RARB: variants seen among roughly 807,000 people sequenced by gnomAD.
RARB encodes the protein HBV-activated protein.
RARB carries 17 observed loss-of-function variants against 51.9 expected under a neutral mutation model. The observed-to-expected ratio is 0.33, with a 90% confidence interval of 0.22 to 0.49. RARB has a LOEUF of 0.49. Ranked by LOEUF, RARB falls within the 20% of genes least tolerant of loss-of-function variation. RARB has a pLI of 0.99. For synonymous variants in RARB, 215 were observed against 195.4 expected (o/e 1.10, Z -0.84); for missense variants, 369 against 550.8 (o/e 0.67, Z 3.30).
chr3:25,162,821 A>G (rs779960267), intron 4 of RARB, among the ~76,000 whole-genome samples: 14 of 152,206 alleles, frequency 9.2e-5, no homozygotes, highest in Non-Finnish European at 1.3e-4. Flanking sequence ...TTATTCATCA[A>G]TTAATGGACA....
At chr3:25,021,452 G>A (rs181234834) in intron 2 of RARB, among the ~76,000 whole-genome samples, 47 of 152,046 alleles carry the variant, frequency 3.1e-4, no homozygotes, top group Admixed American at 5.2e-4. Context: ...CTTAAAAGCC[G>A]TAAACTCACC....
chr3:24,863,405 C>G (rs1702791146), intron 2 of RARB, among the ~76,000 whole-genome samples: 1 of 152,152 alleles, frequency 6.6e-6, no homozygotes, highest in Admixed American at 6.5e-5. Flanking sequence ...CTTGGAGTCT[C>G]TATCTCGGGA....
chr3:24,958,774 T>C (rs1574375), intron 2 of RARB, among the ~76,000 whole-genome samples: 73,033 of 152,050 alleles, frequency 0.48, 18,387 homozygotes, highest in East Asian at 0.61. Context: ...GCCATGAAAA[T>C]AATATGACAA....
At chr3:24,922,693 T>C (rs1005893845) in intron 2 of RARB, among the ~76,000 whole-genome samples, 5 of 151,864 alleles carry the variant, frequency 3.3e-5, no homozygotes, top group Non-Finnish European at 7.4e-5. Context: ...CAGAGGTTGA[T>C]CAAGGGAAAG....
intron 2 of RARB, among the ~76,000 whole-genome samples, chr3:24,876,871 G>A (rs1042936804): frequency 1.3e-5 from 2 of 152,104 alleles, no homozygotes; most frequent in Non-Finnish European, 2.9e-5. Flanking sequence ...TGGATGCAAT[G>A]TCCTTCCCAG....
chr3:25,193,257 G>A (rs1242768539), intron 5 of RARB, among the ~76,000 whole-genome samples: 2 of 151,974 alleles, frequency 1.3e-5, no homozygotes, highest in Admixed American at 6.6e-5. Context: ...TTCAAAGGAA[G>A]AATGAAGAAA....
At chr3:25,359,215 G>A (rs1705846685) in intron 5 of RARB, among the ~76,000 whole-genome samples, 1 of 152,264 alleles carries the variant, frequency 6.6e-6, no homozygotes, top group Admixed American at 6.5e-5. Context: ...TTTGGAGGGT[G>A]TATGTGTCTA....
intron 4 of RARB, among the ~76,000 whole-genome samples, chr3:25,151,011 G>A (rs1214896627): frequency 6.6e-6 from 1 of 152,180 alleles, no homozygotes; most frequent in Non-Finnish European, 1.5e-5. Context: ...TATAGAAGTG[G>A]GCAGTTGGCT....
At chr3:25,418,548 A>G (rs1575386587) in intron 5 of RARB, among the ~76,000 whole-genome samples, 1 of 151,770 alleles carries the variant, frequency 6.6e-6, no homozygotes, top group Non-Finnish European at 1.5e-5. Context: ...GGGCTTCTTC[A>G]CTCCAGTCTC....
chr3:24,854,483 C>T (rs1273406715), intron 1 of RARB, among the ~76,000 whole-genome samples: 3 of 152,130 alleles, frequency 2.0e-5, no homozygotes, highest in African/African-American at 7.2e-5. Context: ...AATTGTTTTC[C>T]AAGTGTTGGC....
chr3:24,866,239 G>C (rs1178243241), intron 2 of RARB, among the ~76,000 whole-genome samples: 2 of 151,954 alleles, frequency 1.3e-5, no homozygotes, highest in Non-Finnish European at 1.5e-5. Flanking sequence ...TGTAATTCCA[G>C]GAACTGTCTC....
chr3:24,980,839 G>A (rs1210116534), intron 2 of RARB, among the ~76,000 whole-genome samples: 5 of 152,166 alleles, frequency 3.3e-5, no homozygotes, highest in Non-Finnish European at 7.3e-5. Context: ...TGGAGGAGAA[G>A]AGGCATTCAG....
At chr3:25,097,801 G>T (rs564002859) in intron 3 of RARB, among the ~76,000 whole-genome samples, 55 of 152,240 alleles carry the variant, frequency 3.6e-4, no homozygotes, top group Non-Finnish European at 7.1e-4. Context: ...GGTCACAGGT[G>T]GTTCTCCTTC....
At chr3:25,282,527 C>T (rs1475278786) in intron 5 of RARB, among the ~76,000 whole-genome samples, 1 of 152,198 alleles carries the variant, frequency 6.6e-6, no homozygotes, top group Non-Finnish European at 1.5e-5. Flanking sequence ...TATTCCCACA[C>T]ATAGTAGAAT....
At chr3:25,150,662 T>C (rs1458327379) in intron 4 of RARB, among the ~76,000 whole-genome samples, 5 of 152,216 alleles carry the variant, frequency 3.3e-5, no homozygotes, top group Non-Finnish European at 7.3e-5. Flanking sequence ...AGGTTAGATA[T>C]TGGTACACTG....
intron 3 of RARB, among the ~76,000 whole-genome samples, chr3:25,564,587 G>C (rs1005356328): frequency 1.3e-5 from 2 of 152,188 alleles, no homozygotes; most frequent in African/African-American, 2.4e-5. Flanking sequence ...CCTGACAGTG[G>C]ACAGAACACC....
chr3:25,574,399 G>A (rs1700837051), intron 4 of RARB, among the ~76,000 whole-genome samples: 1 of 152,216 alleles, frequency 6.6e-6, no homozygotes, highest in African/African-American at 2.4e-5. Flanking sequence ...GCACAGAGGA[G>A]TCGTGCCGAA....
intron 2 of RARB, among the ~76,000 whole-genome samples, chr3:24,971,302 C>T (rs1482660005): frequency 6.6e-6 from 1 of 151,904 alleles, no homozygotes; most frequent in East Asian, 1.9e-4. Context: ...TAATCCTTAG[C>T]TATTTACTTT....
chr3:25,090,900 T>G (rs947400253), intron 3 of RARB, among the ~76,000 whole-genome samples: 3 of 152,158 alleles, frequency 2.0e-5, no homozygotes, highest in Non-Finnish European at 4.4e-5. Flanking sequence ...AAGAAATGTT[T>G]AAGATGATCC....
Sources: gnomAD v4.1 joint callset for allele counts (sites outside exome capture counted in the v4.1 genomes callset) on GRCh38, gnomAD v4.1.1 for gene constraint, MANE v1.5 for transcripts, NCBI Gene and HGNC (gene_info 2026-07-23, HGNC 2026-07-21) for gene names.